Variants in SLCO1B1 observed in about 807,000 individuals in gnomAD.
SLCO1B1 encodes OATP-2.
SLCO1B1 carries 81 observed loss-of-function variants against 70.1 expected under a neutral mutation model. That is an observed-to-expected ratio of 1.16 (90% CI 0.97 to 1.39). The LOEUF (loss-of-function observed/expected upper bound fraction) is 1.39. Among genes scored for constraint, SLCO1B1 ranks in the 40% most tolerant of loss-of-function variants. SLCO1B1 has a pLI of 0.00. For missense variants in SLCO1B1, 895 were observed against 799.6 expected, an observed-to-expected ratio of 1.12 and a Z score of -1.44; for synonymous variants, 283 against 271.5, an observed-to-expected ratio of 1.04 and a Z score of -0.42.
intron 2 of SLCO1B1, chr12:21,164,899 C>T: frequency 2.2e-6 from 1 of 452,958 alleles, no homozygotes; most frequent in South Asian, 1.6e-5. Context: ...ATTATACTGT[C>T]ATTATTGGTT....
At chr12:21,195,525 C>T (rs888868168) in intron 7 of SLCO1B1, among the ~76,000 whole-genome samples, 1 of 152,120 alleles carries the variant, frequency 6.6e-6, no homozygotes, top group Admixed American at 6.6e-5. Context: ...ATTTAAGCCA[C>T]CATTTTTGTG....
At chr12:21,183,524 A>G (rs1370948374) in intron 7 of SLCO1B1, among the ~76,000 whole-genome samples, 1 of 152,202 alleles carries the variant, frequency 6.6e-6, no homozygotes, top group Non-Finnish European at 1.5e-5. Flanking sequence ...TATACATTGC[A>G]TATGAAACTG....
chr12:21,160,994 A>G (rs1014101666), intron 2 of SLCO1B1, among the ~76,000 whole-genome samples: 1 of 152,194 alleles, frequency 6.6e-6, no homozygotes. Context: ...ATTATTATTA[A>G]AAAATAAAAA....
intron 8 of SLCO1B1, among the ~76,000 whole-genome samples, chr12:21,198,244 A>C (rs1258688750): frequency 1.3e-5 from 2 of 152,098 alleles, no homozygotes; most frequent in Non-Finnish European, 2.9e-5. Context: ...TTTCAGCTAC[A>C]TTGGTAGGTT....
chr12:21,198,658 A>G (rs1251734113), intron 8 of SLCO1B1, among the ~76,000 whole-genome samples: 3 of 152,156 alleles, frequency 2.0e-5, no homozygotes, highest in Non-Finnish European at 4.4e-5. Context: ...CAGAAAAAAT[A>G]TTGAATTTAT....
chr12:21,166,892 G>A (rs576513315), intron 2 of SLCO1B1, among the ~76,000 whole-genome samples: 1 of 152,176 alleles, frequency 6.6e-6, no homozygotes, highest in Non-Finnish European at 1.5e-5. Flanking sequence ...AAGCAACCAA[G>A]GTGTCCTTCA....
chr12:21,160,928 A>G (rs551386160), intron 2 of SLCO1B1, among the ~76,000 whole-genome samples: 6 of 152,364 alleles, frequency 3.9e-5, no homozygotes, highest in East Asian at 1.9e-4. Context: ...ATTACTGATC[A>G]TTAGAGAAAT....
chr12:21,225,731 C>A (rs6487214), intron 14 of SLCO1B1, among the ~76,000 whole-genome samples: 51,703 of 151,952 alleles, frequency 0.34, 9,145 homozygotes, highest in East Asian at 0.45. Context: ...AGCAAAAAAA[C>A]CATCCAATGC....
chr12:21,216,146 GTATT>G (rs942068995), intron 11 of SLCO1B1, among the ~76,000 whole-genome samples: 2 of 152,006 alleles, frequency 1.3e-5, no homozygotes, highest in South Asian at 2.1e-4. Flanking sequence ...ATTTATTTGT[GTATT>G]TATTTATTTA....
rs575902719 is a variant in SLCO1B1 at position 21,200,776 on chromosome 12, C to G, written c.1135+104C>G. 5.4e-6 allele frequency: 5 copies of G among 933,912 alleles called. No individual in the cohort carries two copies. The Admixed American group carries it at 1.3e-4, about 24-fold the overall frequency. 57.9% of individuals were successfully genotyped at this position (933,912 alleles called of 1,614,324 possible). ...AAAGTGATTTTGTATTTTAGTAATA[C>G]AGGATAAGTATAATTTTCTTGTATT... On this transcript the variant is annotated intron_variant, in intron 9 of 14. Coordinates refer to ENST00000256958, the MANE Select transcript of SLCO1B1 (RefSeq NM_006446.5).
intron 12 of SLCO1B1, among the ~76,000 whole-genome samples, chr12:21,221,679 C>G (rs2121187910): frequency 6.6e-6 from 1 of 152,136 alleles, no homozygotes; most frequent in Non-Finnish European, 1.5e-5. Context: ...CACTAATCAT[C>G]AGAGAAATGA....
chr12:21,136,832 G>C lies in SLCO1B1; in HGVS notation c.-61-4682G>C, dbSNP rs1447608176. The stretch of plus-strand genomic sequence containing the variant: ...ATCTGAAGCCTTCTTCTCTCAACTT[G>C]TCAAAGTCATTCTCCATCCAGCTTT... On this transcript the variant is annotated intron_variant, in intron 1 of 14. Transcript: ENST00000256958. Among the ~76,000 whole-genome samples the C allele has an allele frequency of 2.0e-5, 3 of 152,142 alleles. No homozygotes were observed. The East Asian group carries it at 5.8e-4, about 29-fold the overall frequency.
chr12:21,162,238 A>G (rs1940628662), intron 2 of SLCO1B1, among the ~76,000 whole-genome samples: 1 of 152,046 alleles, frequency 6.6e-6, no homozygotes, highest in Non-Finnish European at 1.5e-5. Flanking sequence ...AAAGTAAGCA[A>G]TAAAAGGAAC....
At chr12:21,173,599 C>T (rs370782367) in intron 3 of SLCO1B1, among the ~76,000 whole-genome samples, 4 of 149,314 alleles carry the variant, frequency 2.7e-5, no homozygotes, top group African/African-American at 1.0e-4. Context: ...CCCTTGTACC[C>T]GTAAAGGTAC....
At chr12:21,162,449 A>T (rs935429667) in intron 2 of SLCO1B1, among the ~76,000 whole-genome samples, 3 of 152,172 alleles carry the variant, frequency 2.0e-5, no homozygotes, top group African/African-American at 7.2e-5. Context: ...TCCATTCCAC[A>T]TGATACATTT....
Position 21,189,003 on chromosome 12 carries a change from C to T in SLCO1B1, c.728-7943C>T, listed in dbSNP as rs1021121116. On this transcript the variant is annotated intron_variant, in intron 7 of 14. Transcript: ENST00000256958. Reference sequence around the variant, plus strand: ...TATGTCTATACAATATTTTCTTTATCCATTTATCCCTCAGCAGACATGAGG... The same window carrying T: ...TATGTCTATACAATATTTTCTTTATTCATTTATCCCTCAGCAGACATGAGG... Among the ~76,000 whole-genome samples the T allele has an allele frequency of 2.6e-5, 4 of 152,224 alleles. No homozygotes were observed. The East Asian group carries it at 7.7e-4, about 29-fold the overall frequency.
At chr12:21,210,034 T>C (rs201496519) in intron 11 of SLCO1B1, among the ~76,000 whole-genome samples, 14,996 of 135,686 alleles carry the variant, frequency 0.11, 726 homozygotes, top group East Asian at 0.33. Context: ...ATGGTAGTTT[T>C]TTTTGCTGTG....
chr12:21,224,607 C>G, intron 13 of SLCO1B1, 115 bp from the exon 14 acceptor site: 1 of 719,690 alleles, frequency 1.4e-6, no homozygotes, highest in Admixed American at 2.1e-5. Flanking sequence ...AAATAATAAA[C>G]GAATCCTCCA....
At chr12:21,163,560 G>A (rs1940648286) in intron 2 of SLCO1B1, among the ~76,000 whole-genome samples, 1 of 152,128 alleles carries the variant, frequency 6.6e-6, no homozygotes, top group Non-Finnish European at 1.5e-5. Context: ...ACCACAGACT[G>A]GGTAGCTTAA....
Sources: gnomAD v4.1 joint callset for allele counts (sites outside exome capture counted in the v4.1 genomes callset) on GRCh38, gnomAD v4.1.1 for gene constraint, MANE v1.5 for transcripts, NCBI Gene and HGNC (gene_info 2026-07-23, HGNC 2026-07-21) for gene names.